Variants in PIK3R3 observed in about 807,000 individuals in gnomAD.
The protein encoded by PIK3R3 is phosphatidylinositol 3-kinase regulatory subunit gamma.
A neutral mutation model predicts 62.9 loss-of-function variants in PIK3R3; 64 were observed. The ratio of observed to expected loss-of-function variants is 1.02; its 90% CI spans 0.83 to 1.25. PIK3R3 has a LOEUF of 1.25. PIK3R3 is among the 50% of genes most tolerant of loss of function. PIK3R3 has a pLI of 0.00. For missense variants in PIK3R3, 614 were observed against 561.6 expected (o/e 1.09, Z -0.94); for synonymous variants, 165 against 189.0 (o/e 0.87, Z 1.04).
rs1655710052 is a variant in PIK3R3, at chr1:46,132,542, A to G, written c.-590T>C. On this transcript the variant is annotated 5_prime_UTR_variant, in exon 1 of 10. Transcript: ENST00000262741. ...CAGCCTCGGGAATGGGGCCGGCCGG[A>G]GAAGTCCAGTCAGCTCGGCTTGTCT... 5 of 1,260,964 alleles carry G rather than the reference A, an allele frequency of 4.0e-6. No individual in the cohort carries two copies. Among genetic ancestry groups the G allele is most frequent in the Non-Finnish European group, 5.1e-6 (5 of 973,738 alleles). 78.1% of individuals were successfully genotyped at this position (1,260,964 alleles called of 1,614,324 possible).
At chr1:46,057,524 T>C (rs1344009995) in intron 6 of PIK3R3, 1 of 152,528 alleles carries the variant, frequency 6.6e-6, no homozygotes, top group Non-Finnish European at 1.5e-5. Context: ...TAGTGTTGAA[T>C]GGCTTTGCCC....
intron 7 of PIK3R3, among the ~76,000 whole-genome samples, chr1:46,054,543 G>A (rs1308418818): frequency 1.3e-5 from 2 of 151,766 alleles, no homozygotes; most frequent in Non-Finnish European, 2.9e-5. Flanking sequence ...CCCAGATTCA[G>A]AGGTCTCTGC....
chr1:46,103,474 G>A (rs1571504419), intron 1 of PIK3R3, among the ~76,000 whole-genome samples: 1 of 151,912 alleles, frequency 6.6e-6, no homozygotes, highest in South Asian at 2.1e-4. Flanking sequence ...GGAGGCTGAG[G>A]CACGAGAATT....
intron 7 of PIK3R3, among the ~76,000 whole-genome samples, chr1:46,055,154 CA>C (rs5773899): frequency 0.72 from 104,829 of 145,628 alleles, 37,743 homozygotes; most frequent in African/African-American, 0.76. Flanking sequence ...GTCACCCAGG[CA>C]TGGAGTGCAG....
intron 1 of PIK3R3, among the ~76,000 whole-genome samples, chr1:46,109,578 G>A (rs785487): frequency 0.049 from 7,418 of 152,020 alleles, 637 homozygotes; most frequent in African/African-American, 0.17. Flanking sequence ...CTGCCTCCTG[G>A]GTTCAAGCGA....
chr1:46,139,845 T>C, the PIK3R3 span, among the ~76,000 whole-genome samples: 2 of 152,206 alleles, frequency 1.3e-5, no homozygotes, highest in Non-Finnish European at 2.9e-5. Flanking sequence ...TCCTATCTTC[T>C]TTTCCAAGAC....
At position 46,042,626 on chromosome 1, in the gene PIK3R3, T is replaced by TG. The variant is rs1003673151; in HGVS notation, c.*1046dup. On this transcript the variant is annotated 3_prime_UTR_variant, in exon 10 of 10. Transcript: ENST00000262741. This position sits in a 1 kb window ranked among gnomAD's most constrained non-coding sequence, Gnocchi z 4.3. ...ACTATTTCTGCAGGGCCTTTAAACT[T>TG]GGGGAAGCACATATAATAATGTTGT... 1 of 222,206 alleles carries TG rather than the reference T, an allele frequency of 4.5e-6. No homozygotes were observed. The allele number at this position is 222,206 out of a possible 1,614,324, so 13.8% of individuals were successfully genotyped here. A position where few individuals can be genotyped will look rare whatever the true frequency, so the allele number is the denominator to read the frequency against.
At position 46,080,660 on chromosome 1, in the gene PIK3R3, TA is replaced by T. The variant is rs1437603816; in HGVS notation, c.196del (p.Tyr66ThrfsTer10). 6.2e-7 allele frequency: 1 copy of T among 1,606,734 alleles called. No individual in the cohort carries two copies. Among genetic ancestry groups the T allele is most frequent in the East Asian group, 2.2e-5 (1 of 44,834 alleles). On this transcript the variant is annotated frameshift_variant, in exon 2 of 10. Coordinates refer to ENST00000262741, the MANE Select transcript of PIK3R3 (RefSeq NM_003629.4). LOFTEE classifies it high-confidence loss of function. ...TAGTTACCTTGAAATATCCCCCCAGTACCATTCTGCATCCTGAAGAGAAACA... is the reference window on the plus strand; with the variant it reads ...TAGTTACCTTGAAATATCCCCCCAGTCCATTCTGCATCCTGAAGAGAAACA... ...SSVSLQDAEW[Y>X]WGDISREEVN...
In PIK3R3 at chr1:46,126,624, TTAGAAAATA is replaced by T. The variant is rs1655116678; in HGVS notation, c.106+5214_106+5222del. Among the ~76,000 whole-genome samples, 3 of 151,806 alleles carry T rather than the reference TTAGAAAATA, an allele frequency of 2.0e-5. No homozygotes were observed. In the East Asian group the frequency reaches 5.8e-4, roughly 30 times the overall value. On this transcript the variant is annotated intron_variant, in intron 1 of 9. Transcript: ENST00000262741. ...TTCTTCCCACTAACTCTTTTTGCTT[TTAGAAAATA>T]TAGTTATTTTTTCATTTAGAAAAAT...
At chr1:46,146,913 C>T in the PIK3R3 span, among the ~76,000 whole-genome samples, 1 of 152,066 alleles carries the variant, frequency 6.6e-6, no homozygotes, top group Non-Finnish European at 1.5e-5. Context: ...TCTCAGTGGC[C>T]TGAGTATACC....
upstream of PIK3R3, among the ~76,000 whole-genome samples, chr1:46,137,122 G>A (rs1423514153): frequency 6.6e-6 from 1 of 152,160 alleles, no homozygotes; most frequent in Non-Finnish European, 1.5e-5. Flanking sequence ...ACTAGTAGCA[G>A]AGTCAGGATT....
the PIK3R3 span, among the ~76,000 whole-genome samples, chr1:46,165,389 TC>T: frequency 1.3e-5 from 2 of 150,562 alleles, no homozygotes; most frequent in African/African-American, 2.5e-5. Context: ...CACCACAACT[TC>T]CCCCTCCCAG....
intron 1 of PIK3R3, chr1:46,105,033 A>C: frequency 1.3e-6 from 1 of 747,796 alleles, no homozygotes; most frequent in South Asian, 1.4e-5. Context: ...CCTGATTTTC[A>C]TGACAAATAC....
intron 1 of PIK3R3, among the ~76,000 whole-genome samples, chr1:46,114,025 G>A (rs1365175985): frequency 6.6e-6 from 1 of 152,214 alleles, no homozygotes; most frequent in Non-Finnish European, 1.5e-5. Flanking sequence ...ATTACAGTCT[G>A]AGCTTCTTGA....
the PIK3R3 span, among the ~76,000 whole-genome samples, chr1:46,157,952 C>A: frequency 6.6e-6 from 1 of 152,198 alleles, no homozygotes; most frequent in East Asian, 1.9e-4. Flanking sequence ...TTATTGCAAT[C>A]GTATTTGGGC....
rs765107624 is a variant in PIK3R3, at chr1:46,040,162, T to C, written c.*3511A>G. On this transcript the variant is annotated 3_prime_UTR_variant, in exon 10 of 10. Coordinates refer to ENST00000262741, the MANE Select transcript of PIK3R3 (RefSeq NM_003629.4). ...AAATTACTTTATTGCAATGTCTTTATTGCATTACTGGAGCAAGTTGGCCAG... is the reference window on the plus strand; with the variant it reads ...AAATTACTTTATTGCAATGTCTTTACTGCATTACTGGAGCAAGTTGGCCAG... 4 of 220,666 alleles carry C rather than the reference T, an allele frequency of 1.8e-5. No homozygotes were observed. The highest frequency in any genetic ancestry group is 3.6e-5 in the Non-Finnish European group (4 of 110,136). The allele number at this position is 220,666 out of a possible 1,614,324, so 13.7% of individuals were successfully genotyped here.
chr1:46,129,128 A>G (rs1271390878), intron 1 of PIK3R3, among the ~76,000 whole-genome samples: 1 of 151,978 alleles, frequency 6.6e-6, no homozygotes, highest in East Asian at 1.9e-4. Flanking sequence ...GGAAGGAGGG[A>G]TGACTTTTAA....
At chr1:46,080,480 C>T (rs1009660274) in intron 2 of PIK3R3, among the ~76,000 whole-genome samples, 162 bp downstream of exon 2, 17 of 152,058 alleles carry the variant, frequency 1.1e-4, no homozygotes, top group Admixed American at 7.2e-4. Context: ...TCTACAGCCT[C>T]GAACTCCTGG....
In PIK3R3 at chr1:46,132,196, G is replaced by A; in HGVS notation, c.-244C>T. The A allele has an allele frequency of 7.9e-7, 1 of 1,264,362 alleles. No individual in the cohort carries two copies. The highest frequency in any genetic ancestry group is 1.0e-6 in the Non-Finnish European group (1 of 998,420). 78.3% of individuals were successfully genotyped at this position (1,264,362 alleles called of 1,614,324 possible). A position where few individuals can be genotyped will look rare whatever the true frequency, so the allele number is the denominator to read the frequency against. ...GCTTTTCTCCTCAGAGGATTACACA[G>A]AGGCTTGGGGGACGGAGAGCAGAGG... On this transcript the variant is annotated 5_prime_UTR_variant, in exon 1 of 10. Transcript: ENST00000262741.
Sources: allele counts gnomAD v4.1 joint callset (sites outside exome capture counted in the v4.1 genomes callset), GRCh38; gene constraint gnomAD v4.1.1; non-coding constraint Gnocchi (gnomAD v3.1); transcripts MANE v1.5; gene names NCBI Gene and HGNC (gene_info 2026-07-23, HGNC 2026-07-21).